The following LRRIQ3 variants were observed in gnomAD, a reference collection of about 807,000 sequenced individuals.
LRRIQ3 encodes the protein leucine-rich repeat and IQ domain-containing protein 3.
In LRRIQ3, 75 loss-of-function variants were observed where a neutral mutation model predicts 59.3. The observed-to-expected ratio is 1.26, with a 90% CI of 1.05 to 1.53. The LOEUF (loss-of-function observed/expected upper bound fraction) is 1.53, where lower values mean the gene tolerates loss of function less well. LRRIQ3 is among the 40% of genes most tolerant of loss of function. The probability of loss-of-function intolerance (pLI) is 0.00; values close to 1 mark genes in which losing one functional copy is unlikely to be tolerated. For synonymous variants in LRRIQ3, 250 were observed against 231.3 expected (o/e 1.08, Z -0.73); for missense variants, 831 against 710.0 (o/e 1.17, Z -1.94).
chr1:74,054,086 T>C (rs1654451300), intron 6 of LRRIQ3, among the ~76,000 whole-genome samples: 1 of 152,214 alleles, frequency 6.6e-6, no homozygotes, highest in Non-Finnish European at 1.5e-5. Context: ...TTATATTTAA[T>C]AGCAGCTTTA....
At chr1:74,045,890 C>A (rs1654187855) in intron 6 of LRRIQ3, among the ~76,000 whole-genome samples, 1 of 152,094 alleles carries the variant, frequency 6.6e-6, no homozygotes, top group African/African-American at 2.4e-5. Flanking sequence ...CCTAGGAGTA[C>A]AGCTAACAAG....
At chr1:74,122,338 T>A (rs186930971) in intron 4 of LRRIQ3, among the ~76,000 whole-genome samples, 1 of 152,326 alleles carries the variant, frequency 6.6e-6, no homozygotes, top group South Asian at 2.1e-4. Flanking sequence ...CCAGTGATGA[T>A]GAGCATTTTT....
chr1:74,030,370 G>T (rs939990350), intron 7 of LRRIQ3, among the ~76,000 whole-genome samples: 1 of 152,020 alleles, frequency 6.6e-6, no homozygotes, highest in Non-Finnish European at 1.5e-5. Flanking sequence ...ATACTACAAG[G>T]CTACAGTAAC....
intron 7 of LRRIQ3, among the ~76,000 whole-genome samples, chr1:74,034,628 A>G (rs1653812858): frequency 1.9e-5 from 1 of 53,132 alleles, no homozygotes; most frequent in Middle Eastern, 9.6e-3. Flanking sequence ...TTTCCAAAGC[A>G]CACACAGACA....
chr1:74,160,740 T>G (rs1182107801), intron 3 of LRRIQ3, among the ~76,000 whole-genome samples: 1 of 152,090 alleles, frequency 6.6e-6, no homozygotes, highest in African/African-American at 2.4e-5. Context: ...AGCTCCTAAC[T>G]GCTCTCACAC....
At chr1:74,134,204 T>A (rs762544707) in intron 4 of LRRIQ3, among the ~76,000 whole-genome samples, 1 of 152,000 alleles carries the variant, frequency 6.6e-6, no homozygotes, top group Admixed American at 6.6e-5. Context: ...TTCCCAAAAT[T>A]ACCATTTTAA....
rs548401858 is a variant in LRRIQ3 at position 74,099,484 on chromosome 1, G to A, written c.867+9910C>T. Reference sequence around the variant, plus strand: ...CCGAATTCTACCAGAGGTACAAGAAGGAGCTGGTACCATTCCTTCTGAAAC... The same window carrying A: ...CCGAATTCTACCAGAGGTACAAGAAAGAGCTGGTACCATTCCTTCTGAAAC... On this transcript the variant is annotated intron_variant, in intron 5 of 7. Coordinates refer to ENST00000354431, the MANE Select transcript of LRRIQ3 (RefSeq NM_001105659.2). 3.9e-3 allele frequency among the ~76,000 whole-genome samples: 587 copies of A among 152,194 alleles called. 7 individuals are homozygous for A. The highest frequency in any genetic ancestry group is 5.0e-3 in the East Asian group (26 of 5,156).
intron 3 of LRRIQ3, among the ~76,000 whole-genome samples, chr1:74,176,958 T>A (rs2100712299): frequency 6.6e-6 from 1 of 152,276 alleles, no homozygotes; most frequent in East Asian, 1.9e-4. Context: ...CCACCCAGAC[T>A]TTGCTGCATG....
At chr1:74,146,523 C>A (rs1025647379) in intron 4 of LRRIQ3, among the ~76,000 whole-genome samples, 1 of 152,088 alleles carries the variant, frequency 6.6e-6, no homozygotes, top group Admixed American at 6.6e-5. Context: ...TATATCATGC[C>A]TATAAGGCAG....
chr1:74,176,834 T>G (rs920498388), intron 3 of LRRIQ3, among the ~76,000 whole-genome samples: 4 of 152,126 alleles, frequency 2.6e-5, no homozygotes, highest in Non-Finnish European at 5.9e-5. Context: ...TAAGGGCTTA[T>G]AACTGGCCAA....
At chr1:74,124,997 G>A (rs567062296) in intron 4 of LRRIQ3, among the ~76,000 whole-genome samples, 6 of 150,580 alleles carry the variant, frequency 4.0e-5, no homozygotes, top group African/African-American at 1.5e-4. Context: ...AGGAACATAT[G>A]TATTTCCATT....
At chr1:74,182,996 T>G in intron 2 of LRRIQ3, 135 bp from the exon 3 acceptor site, 1 of 514,420 alleles carries the variant, frequency 1.9e-6, no homozygotes, top group Admixed American at 3.8e-5. Flanking sequence ...AAACAGAGTA[T>G]TTATAATTAT....
chr1:74,196,392 C>T (rs1651128772), intron 1 of LRRIQ3, among the ~76,000 whole-genome samples: 1 of 152,168 alleles, frequency 6.6e-6, no homozygotes, highest in Non-Finnish European at 1.5e-5. Flanking sequence ...TGGGACCTCA[C>T]TTAGTTCCAC....
At chr1:74,115,763 G>C (rs1002350466) in intron 4 of LRRIQ3, among the ~76,000 whole-genome samples, 1 of 151,992 alleles carries the variant, frequency 6.6e-6, no homozygotes, top group African/African-American at 2.4e-5. Flanking sequence ...ATATATTACA[G>C]TTTAGCTTCA....
intron 6 of LRRIQ3, among the ~76,000 whole-genome samples, chr1:74,058,439 A>T (rs1193499407): frequency 6.6e-6 from 1 of 151,860 alleles, no homozygotes. Context: ...AGCTTGGAGA[A>T]TGTTATATTA....
intron 7 of LRRIQ3, among the ~76,000 whole-genome samples, chr1:74,032,039 T>G (rs1653735081): frequency 6.6e-6 from 1 of 151,946 alleles, no homozygotes; most frequent in African/African-American, 2.4e-5. Flanking sequence ...AATATTATGA[T>G]GTCAATTTTT....
intron 6 of LRRIQ3, 138 bp from the exon 7 acceptor site, chr1:74,042,071 A>G: frequency 1.2e-6 from 1 of 811,616 alleles, no homozygotes. Flanking sequence ...TACCTTTTCA[A>G]CTTGTGATTT....
chr1:74,146,320 AC>A, intron 4 of LRRIQ3, among the ~76,000 whole-genome samples: 1 of 152,324 alleles, frequency 6.6e-6, no homozygotes, highest in East Asian at 1.9e-4. Context: ...ATGTTAGTGT[AC>A]CATTATATAT....
At chr1:74,094,171 C>A (rs1269854621) in intron 5 of LRRIQ3, among the ~76,000 whole-genome samples, 2 of 151,990 alleles carry the variant, frequency 1.3e-5, no homozygotes, top group Non-Finnish European at 2.9e-5. Context: ...ATCCTTATGA[C>A]CTCATTTAAC....
Sources: gnomAD v4.1 joint callset for allele counts (sites outside exome capture counted in the v4.1 genomes callset) on GRCh38, gnomAD v4.1.1 for gene constraint, MANE v1.5 for transcripts, NCBI Gene and HGNC (gene_info 2026-07-23, HGNC 2026-07-21) for gene names.